The following NTRK3 variants were observed in gnomAD, a reference collection of about 807,000 sequenced individuals.
The protein encoded by NTRK3 is NT-3 growth factor receptor.
NTRK3 carries 24 observed loss-of-function variants against 91.7 expected under a neutral mutation model. That is an observed-to-expected ratio of 0.26 (90% CI 0.19 to 0.37). NTRK3 has a LOEUF of 0.37. Ranked by LOEUF, NTRK3 falls within the 10% of genes least tolerant of loss-of-function variation. The probability of loss-of-function intolerance (pLI) is 1.00; values close to 1 mark genes in which losing one functional copy is unlikely to be tolerated. For missense variants in NTRK3, 880 were observed against 1,068.9 expected (o/e 0.82, Z 2.46); for synonymous variants, 483 against 404.0 (o/e 1.20, Z -2.34).
chr15:87,914,661 T>C (rs1234590160), intron 17 of NTRK3, among the ~76,000 whole-genome samples: 1 of 152,224 alleles, frequency 6.6e-6, no homozygotes, highest in African/African-American at 2.4e-5. Context: ...AACAAACATG[T>C]ACCCAAGTGT....
intron 13 of NTRK3, among the ~76,000 whole-genome samples, chr15:88,112,109 TGTTA>T (rs2051461811): frequency 6.6e-6 from 1 of 152,132 alleles, no homozygotes; most frequent in Admixed American, 6.5e-5. Flanking sequence ...GGTTTCACAA[TGTTA>T]GCCAGGATGG....
intron 3 of NTRK3, among the ~76,000 whole-genome samples, chr15:88,220,393 C>A (rs114322280): frequency 0.012 from 1,815 of 152,190 alleles, 37 homozygotes; most frequent in African/African-American, 0.04. Context: ...TGTGGGTCAG[C>A]CCCCAATGGG....
chr15:88,233,010 G>T lies in NTRK3; in HGVS notation c.248+22896C>A, dbSNP rs1157516071. 6.6e-6 allele frequency among the ~76,000 whole-genome samples: 1 copy of T among 152,148 alleles called. No homozygotes were observed. Among genetic ancestry groups the T allele is most frequent in the East Asian group, 1.9e-4 (1 of 5,178 alleles). On this transcript the variant is annotated intron_variant, in intron 3 of 18. Coordinates refer to ENST00000394480, the Ensembl canonical transcript of NTRK3. The surrounding 1 kb of genome is among the most constrained non-coding windows in gnomAD (Gnocchi z 4.2). ...CCAGACCCTCCCCCCAGCCCAGAGCGAAAGTTTGACTAAAGCTCAGTGTCT... is the reference window on the plus strand; with the variant it reads ...CCAGACCCTCCCCCCAGCCCAGAGCTAAAGTTTGACTAAAGCTCAGTGTCT...
intron 3 of NTRK3, among the ~76,000 whole-genome samples, chr15:88,244,380 A>G (rs1040970841): frequency 8.5e-5 from 13 of 152,240 alleles, no homozygotes; most frequent in African/African-American, 2.9e-4. Flanking sequence ...GAAAAATTAA[A>G]TAACGTGCTC....
chr15:88,189,477 G>T (rs921487270), intron 3 of NTRK3, among the ~76,000 whole-genome samples: 1 of 150,498 alleles, frequency 6.6e-6, no homozygotes, highest in Non-Finnish European at 1.5e-5. Flanking sequence ...AGGCTGGAGT[G>T]CAATGGCTCA....
intron 14 of NTRK3, among the ~76,000 whole-genome samples, chr15:87,994,452 T>A (rs1374921897): frequency 3.3e-5 from 5 of 152,198 alleles, no homozygotes; most frequent in Non-Finnish European, 5.9e-5. Context: ...GAGATCTGCA[T>A]AATGTGTCTA....
At chr15:87,979,302 C>G (rs776559798) in intron 14 of NTRK3, 3 of 1,389,648 alleles carry the variant, frequency 2.2e-6, no homozygotes, top group South Asian at 2.3e-5. Flanking sequence ...GAGGGCCCAG[C>G]CTACCAAGGT....
chr15:88,109,418 G>C (rs367673951), intron 13 of NTRK3, among the ~76,000 whole-genome samples: 5 of 152,248 alleles, frequency 3.3e-5, no homozygotes, highest in Admixed American at 2.6e-4. Flanking sequence ...CAAGGAGCTC[G>C]TCCTTCCTGA....
At chr15:87,936,266 T>C (rs1477498856) in intron 15 of NTRK3, among the ~76,000 whole-genome samples, 1 of 152,202 alleles carries the variant, frequency 6.6e-6, no homozygotes, top group Non-Finnish European at 1.5e-5. Context: ...TTGTATAGTA[T>C]CTTTAGTACA....
At chr15:88,186,575 G>A (rs1022855213) in intron 3 of NTRK3, among the ~76,000 whole-genome samples, 1 of 152,200 alleles carries the variant, frequency 6.6e-6, no homozygotes, top group Non-Finnish European at 1.5e-5. Context: ...GGCAGTGGTC[G>A]TCAAGCTACA....
At chr15:88,042,465 C>T (rs1342417318) in intron 13 of NTRK3, among the ~76,000 whole-genome samples, 2 of 152,138 alleles carry the variant, frequency 1.3e-5, no homozygotes, top group South Asian at 2.1e-4. Context: ...CTGTGGTCTC[C>T]GGGGCACATG....
intron 13 of NTRK3, among the ~76,000 whole-genome samples, chr15:88,069,479 G>A (rs2046928082): frequency 6.6e-6 from 1 of 152,224 alleles, no homozygotes; most frequent in Non-Finnish European, 1.5e-5. Flanking sequence ...ATGCAGCGGT[G>A]TCAGGGGGAG....
chr15:88,141,217 T>C (rs1597553491), intron 6 of NTRK3, among the ~76,000 whole-genome samples: 1 of 152,186 alleles, frequency 6.6e-6, no homozygotes, highest in Admixed American at 6.5e-5. Context: ...TAGCTGGACA[T>C]GAGACACAGA....
At chr15:88,059,327 G>A (rs551964293) in intron 13 of NTRK3, among the ~76,000 whole-genome samples, 2 of 152,286 alleles carry the variant, frequency 1.3e-5, no homozygotes, top group East Asian at 3.9e-4. Context: ...GGAGACAAGA[G>A]TCCAGAACAT....
rs372550982 is a variant in NTRK3, at chr15:88,188,879, C to T, written c.249-4580G>A. The stretch of plus-strand genomic sequence containing the variant: ...CCTTTTCTCTCCACTGAAAGTTCCT[C>T]TCCTGGATTTCTCATGCCTCTTCAT... On this transcript the variant is annotated intron_variant, in intron 3 of 18. Transcript: ENST00000394480. Among the ~76,000 whole-genome samples the T allele has an allele frequency of 3.3e-5, 5 of 152,340 alleles. No individual in the cohort carries two copies. In the East Asian group the frequency reaches 9.7e-4, roughly 29 times the overall value.
chr15:88,132,469 C>T (rs1191603680), intron 10 of NTRK3, among the ~76,000 whole-genome samples: 1 of 152,172 alleles, frequency 6.6e-6, no homozygotes, highest in East Asian at 1.9e-4. Flanking sequence ...ATGCTAGGAG[C>T]CCAGGCCACC....
chr15:87,872,858 A>C (rs1262316497), exon 19 of NTRK3: 1 of 232,930 alleles, frequency 4.3e-6, no homozygotes, highest in Admixed American at 5.6e-5. Context: ...CTTTAAAAAA[A>C]TGAAAAGGAC....
chr15:88,107,667 C>A (rs112090293), intron 13 of NTRK3, among the ~76,000 whole-genome samples: 1 of 152,046 alleles, frequency 6.6e-6, no homozygotes, highest in African/African-American at 2.4e-5. Flanking sequence ...GAGACAGGAG[C>A]CCAAGGCCTA....
intron 14 of NTRK3, among the ~76,000 whole-genome samples, chr15:87,943,423 C>T (rs1174300098): frequency 6.6e-6 from 1 of 152,130 alleles, no homozygotes; most frequent in Non-Finnish European, 1.5e-5. Context: ...AGAGGCCCAA[C>T]TACCCATCCA....
Sources: gnomAD v4.1 joint callset for allele counts (sites outside exome capture counted in the v4.1 genomes callset) on GRCh38, gnomAD v4.1.1 for gene constraint, Gnocchi (gnomAD v3.1) non-coding constraint, MANE v1.5 for transcripts, NCBI Gene and HGNC (gene_info 2026-07-23, HGNC 2026-07-21) for gene names.